The following TLR2 variants were observed in gnomAD, a reference collection of about 807,000 sequenced individuals.
TLR2 encodes the protein toll like receptor 2.
A neutral mutation model predicts 9.1 loss-of-function variants in TLR2; 7 were observed. The ratio of observed to expected loss-of-function variants is 0.77; its 90% CI spans 0.44 to 1.44. The LOEUF is 1.44. Among genes scored for constraint, TLR2 ranks in the 40% most tolerant of loss-of-function variants. The probability of loss-of-function intolerance (pLI) is 0.01; values close to 1 mark genes in which losing one functional copy is unlikely to be tolerated. For synonymous variants in TLR2, 317 were observed against 344.6 expected, an observed-to-expected ratio of 0.92 and a Z score of 0.89; for missense variants, 812 against 904.6, an observed-to-expected ratio of 0.90 and a Z score of 1.31.
chr4:153,697,876 A>G (rs1736613851), intron 2 of TLR2, among the ~76,000 whole-genome samples: 2 of 152,152 alleles, frequency 1.3e-5, no homozygotes, highest in African/African-American at 4.8e-5. Flanking sequence ...GTATAATACT[A>G]TCAGCCAAAA....
intron 1 of TLR2, among the ~76,000 whole-genome samples, chr4:153,686,215 C>T (rs5743687): frequency 0.042 from 6,358 of 152,100 alleles, 410 homozygotes; most frequent in African/African-American, 0.14. Flanking sequence ...GGTGACAGAG[C>T]GAGACTCTGT....
intron 1 of TLR2, among the ~76,000 whole-genome samples, chr4:153,686,641 A>T (rs1295343324): frequency 6.6e-6 from 1 of 152,206 alleles, no homozygotes; most frequent in Non-Finnish European, 1.5e-5. Flanking sequence ...GGTTTCACTG[A>T]GAAGAAATAA....
chr4:153,686,216 G>A (rs5743688), intron 1 of TLR2, among the ~76,000 whole-genome samples: 12,463 of 152,152 alleles, frequency 0.082, 689 homozygotes, highest in Non-Finnish European at 0.1. Flanking sequence ...GTGACAGAGC[G>A]AGACTCTGTC....
At chr4:153,684,799 C>A (rs1364678255) in intron 1 of TLR2, among the ~76,000 whole-genome samples, 1 of 150,800 alleles carries the variant, frequency 6.6e-6, no homozygotes, top group African/African-American at 2.5e-5. Context: ...CGCCACCTCC[C>A]TCGGGAGGCC....
intron 2 of TLR2, among the ~76,000 whole-genome samples, chr4:153,689,440 A>G (rs1735947407): frequency 6.6e-6 from 1 of 152,220 alleles, no homozygotes; most frequent in South Asian, 2.1e-4. Context: ...AATTTAAGCT[A>G]AACATCCCCT....
At chr4:153,689,444 A>C (rs1261035701) in intron 2 of TLR2, among the ~76,000 whole-genome samples, 2 of 152,218 alleles carry the variant, frequency 1.3e-5, no homozygotes, top group Non-Finnish European at 2.9e-5. Context: ...TAAGCTAAAC[A>C]TCCCCTTAGG....
rs1737048653 is a variant in TLR2 at position 153,703,231 on chromosome 4, CTATAATTACTTATCT to C, written c.325_339del (p.Tyr109_Ser113del). 1 of 1,613,928 alleles carries C rather than the reference CTATAATTACTTATCT, an allele frequency of 6.2e-7. No individual in the cohort carries two copies. The highest frequency in any genetic ancestry group is 8.5e-7 in the Non-Finnish European group (1 of 1,179,992). On this transcript the variant is annotated inframe_deletion, in exon 3 of 3. Coordinates refer to ENST00000642700, the MANE Select transcript of TLR2 (RefSeq NM_001318789.2). ...GCAGTCTTGAACATTTAGACTTATCCTATAATTACTTATCTAATTTATCGTCTTCCTGGTTCAAGC... is the reference window on the plus strand; with the variant it reads ...GCAGTCTTGAACATTTAGACTTATCCAATTTATCGTCTTCCTGGTTCAAGC...
downstream of TLR2, among the ~76,000 whole-genome samples, chr4:153,709,222 A>G (rs1314491114): frequency 6.6e-6 from 1 of 152,226 alleles, no homozygotes; most frequent in Non-Finnish European, 1.5e-5. Flanking sequence ...TTGTAGTGTG[A>G]GTTATCTTAA....
rs5743693 is a variant in TLR2 at position 153,687,723 on chromosome 4, A to C, written c.-162-179A>C. 1.4e-3 allele frequency among the ~76,000 whole-genome samples: 212 copies of C among 152,260 alleles called. 1 individual carries two copies. Among genetic ancestry groups the C allele is most frequent in the African/African-American group, 5.0e-3 (207 of 41,544 alleles). On this transcript the variant is annotated intron_variant, in intron 1 of 2. Coordinates refer to ENST00000642700, the MANE Select transcript of TLR2 (RefSeq NM_001318789.2). The stretch of plus-strand genomic sequence containing the variant: ...TAAATGCCTATTACACCATACCCAA[A>C]TAAGGCAGACTCCTAGCTGAAGCCA...
intron 1 of TLR2, among the ~76,000 whole-genome samples, chr4:153,687,360 A>T (rs1205813963): frequency 1.3e-5 from 2 of 152,194 alleles, no homozygotes; most frequent in Non-Finnish European, 2.9e-5. Context: ...TAGGGGATCT[A>T]TCAAGTCAGA....
chr4:153,689,361 C>G (rs1735940430), intron 2 of TLR2, among the ~76,000 whole-genome samples: 1 of 152,220 alleles, frequency 6.6e-6, no homozygotes, highest in Non-Finnish European at 1.5e-5. Flanking sequence ...CTTGCTATTT[C>G]TACCATCTGA....
At chr4:153,691,727 A>G (rs968058868) in intron 2 of TLR2, among the ~76,000 whole-genome samples, 4 of 152,194 alleles carry the variant, frequency 2.6e-5, no homozygotes, top group Admixed American at 6.5e-5. Context: ...AGAGCAGGTC[A>G]TATCCGATTA....
At chr4:153,700,796 A>G (rs1736832033) in intron 2 of TLR2, among the ~76,000 whole-genome samples, 1 of 152,170 alleles carries the variant, frequency 6.6e-6, no homozygotes, top group African/African-American at 2.4e-5. Context: ...GGGATAGACA[A>G]ATGAACATTG....
chr4:153,703,957 G>A lies in TLR2; in HGVS notation c.1050G>A (p.Leu350=). The change falls in exon 3 of 3, where the codon CTG becomes CTA. Residue 350 remains leucine, a synonymous_variant. Transcript: ENST00000642700. ...CAGTAGAAAACAGTAAAGTTTTTCT[G>A]GTTCCTTGTTTACTTTCACAACATT... ...RITVENSKVF[L]VPCLLSQHLK... 6.2e-7 allele frequency: 1 copy of A among 1,611,524 alleles called. No individual in the cohort carries two copies. The highest frequency in any genetic ancestry group is 2.2e-5 in the East Asian group (1 of 44,854).
chr4:153,710,505 G>A (rs748567258), downstream of TLR2: 31 of 1,608,140 alleles, frequency 1.9e-5, no homozygotes, highest in Non-Finnish European at 2.6e-5. Flanking sequence ...TCTCAGTTAA[G>A]GAGGTTGTTC....
rs779308531 is a variant in TLR2 at position 153,704,667 on chromosome 4, G to T, written c.1760G>T (p.Arg587Met). 2 of 1,612,650 alleles carry T rather than the reference G, an allele frequency of 1.2e-6. No homozygotes were observed. The highest frequency in any genetic ancestry group is 1.7e-5 in the Admixed American group (1 of 59,918). ...CGCCTCTCGGTGTCGGAATGTCACA[G>T]GACAGCACTGGTGTCTGGCATGTGC... ...DVRLSVSECH[R>M]TALVSGMCCA... is the part of the protein sequence containing the mutation. The change falls in exon 3 of 3, where the codon AGG becomes ATG. Residue 587 changes from arginine (R) to methionine (M), a missense_variant. By Grantham distance (91) the Arg-to-Met change is moderately conservative. Transcript: ENST00000642700.
In TLR2 at chr4:153,704,879, C is replaced by T; in HGVS notation, c.1972C>T (p.Leu658Phe). ...GCGGGATGCCTACTGGGTGGAGAAC[C>T]TTATGGTCCAGGAGCTGGAGAACTT... is the stretch of plus-strand genomic sequence containing the variant. ...SERDAYWVEN[L>F]MVQELENFNP... Residue 658 changes from leucine (L) to phenylalanine (F), a missense_variant, in exon 3 of 3, where the codon CTT (leucine) becomes TTT (phenylalanine). Physicochemically the swap from Leu to Phe is conservative, Grantham distance 22. Coordinates refer to ENST00000642700, the MANE Select transcript of TLR2 (RefSeq NM_001318789.2). 6.2e-7 allele frequency: 1 copy of T among 1,613,800 alleles called. No homozygotes were observed. The highest frequency in any genetic ancestry group is 8.5e-7 in the Non-Finnish European group (1 of 1,180,006).
intron 2 of TLR2, chr4:153,702,309 C>T (rs1228688368): frequency 6.6e-6 from 1 of 152,258 alleles, no homozygotes; most frequent in African/African-American, 2.4e-5. Flanking sequence ...CAACACCCCT[C>T]CTGCCTGCTA....
In TLR2 at chr4:153,704,243, A is replaced by G. The variant is rs1255323372; in HGVS notation, c.1336A>G (p.Thr446Ala). The change falls in exon 3 of 3, where the codon ACA becomes GCA. Residue 446 changes from threonine to alanine, a missense_variant. By Grantham distance (58) the Thr-to-Ala change is moderately conservative. Transcript: ENST00000642700. ...EKMKYLNLSS[T>A]RIHSVTGCIP... is the part of the protein sequence containing the mutation. ...GATGAAATATTTGAACTTATCCAGC[A>G]CACGAATACACAGTGTAACAGGCTG... The G allele has an allele frequency of 6.2e-7, 1 of 1,614,216 alleles. No individual in the cohort carries two copies. The highest frequency in any genetic ancestry group is 2.2e-5 in the East Asian group (1 of 44,884).
Sources: gnomAD v4.1 joint callset for allele counts (sites outside exome capture counted in the v4.1 genomes callset) on GRCh38, gnomAD v4.1.1 for gene constraint, MANE v1.5 for transcripts, NCBI Gene and HGNC (gene_info 2026-07-23, HGNC 2026-07-21) for gene names.